GLS: variants seen among roughly 807,000 people sequenced by gnomAD.
GLS encodes glutaminase, also known as glutaminase kidney isoform, mitochondrial.
A neutral mutation model predicts 86.7 loss-of-function variants in GLS; 36 were observed. The observed-to-expected ratio is 0.42, with a 90% confidence interval of 0.32 to 0.55. GLS has a LOEUF of 0.55. Among genes scored for constraint, GLS ranks in the 20% least tolerant of loss-of-function variants. The pLI is 0.17. For synonymous variants in GLS, 317 were observed against 305.9 expected (o/e 1.04, Z -0.38); for missense variants, 528 against 833.4 (o/e 0.63, Z 4.51).
chr2:190,954,566 G>A lies in GLS; in HGVS notation c.1713-18G>A. 1.9e-6 allele frequency: 3 copies of A among 1,571,272 alleles called. No homozygotes were observed. The highest frequency in any genetic ancestry group is 2.6e-6 in the Non-Finnish European group (3 of 1,144,144). On this transcript the variant is annotated intron_variant, in intron 15 of 17. Coordinates refer to ENST00000320717, the MANE Select transcript of GLS (RefSeq NM_014905.5). This position sits in a 1 kb window ranked among gnomAD's most constrained non-coding sequence, Gnocchi z 4.0. ...TTTGCTTTATATATAATAAATAGCT[G>A]TGCTTACACATTTTCAGATTTGCTT...
Position 190,895,601 on chromosome 2 carries a change from CAG to C in GLS, c.484-2_484-1del. 6.3e-7 allele frequency: 1 copy of C among 1,582,816 alleles called. No homozygotes were observed. ...TTACAAACTCTTATTTTTTTAAAAA[CAG>C]GCACTCAAATCTACAGGATTGCGAA... On this transcript the variant is annotated splice_acceptor_variant, in intron 2 of 17. Transcript: ENST00000320717. LOFTEE classifies it high-confidence loss of function. This position sits in a 1 kb window ranked among gnomAD's most constrained non-coding sequence, Gnocchi z 4.2.
chr2:190,960,042 G>C (rs149942044), intron 17 of GLS, among the ~76,000 whole-genome samples: 2 of 151,952 alleles, frequency 1.3e-5, no homozygotes, highest in Admixed American at 6.6e-5. Flanking sequence ...CTCTCTCCTG[G>C]TCGACATAGC....
chr2:190,927,144 C>T (rs943695285), intron 11 of GLS, 162 bp from the exon 12 acceptor site: 6 of 593,250 alleles, frequency 1.0e-5, no homozygotes, highest in African/African-American at 3.9e-5. Flanking sequence ...GGTAGGACTT[C>T]GGTCAACTAA....
At chr2:190,941,449 A>G (rs1418594017) in intron 14 of GLS, among the ~76,000 whole-genome samples, 2 of 152,228 alleles carry the variant, frequency 1.3e-5, no homozygotes, top group Admixed American at 6.5e-5. Context: ...AGGGAATGGA[A>G]TGGATGCAGA....
At chr2:190,890,941 T>A (rs1559315759) in intron 1 of GLS, among the ~76,000 whole-genome samples, 2 of 152,002 alleles carry the variant, frequency 1.3e-5, no homozygotes, top group Non-Finnish European at 2.9e-5. Context: ...TTTGGGGAGG[T>A]TAGGTAATAT....
At chr2:190,941,832 C>G (rs1468316722) in intron 14 of GLS, among the ~76,000 whole-genome samples, 1 of 151,936 alleles carries the variant, frequency 6.6e-6, no homozygotes, top group Non-Finnish European at 1.5e-5. Flanking sequence ...AGTGGGCCTT[C>G]TCATATTTCG....
intron 1 of GLS, among the ~76,000 whole-genome samples, chr2:190,889,726 A>C (rs1268728518): frequency 1.3e-5 from 2 of 152,028 alleles, no homozygotes; most frequent in African/African-American, 2.4e-5. Context: ...CAAACTTCTG[A>C]AGTTGTGCAA....
intron 1 of GLS, among the ~76,000 whole-genome samples, chr2:190,884,711 C>T (rs768917706): frequency 5.9e-5 from 9 of 152,074 alleles, no homozygotes; most frequent in Non-Finnish European, 1.3e-4. Flanking sequence ...AGATACATAA[C>T]AGAAATTGGG....
At chr2:190,910,887 A>G (rs1260540572) in intron 7 of GLS, among the ~76,000 whole-genome samples, 2 of 149,582 alleles carry the variant, frequency 1.3e-5, no homozygotes, top group African/African-American at 2.4e-5. Flanking sequence ...GCTTATTCCA[A>G]TTATGGAGTT....
Position 190,881,104 on chromosome 2 carries a change from C to G in GLS, c.20C>G (p.Ser7Trp). The change falls in exon 1 of 18, where the codon TCG becomes TGG. Residue 7 changes from serine to tryptophan, a missense_variant. Coordinates refer to ENST00000320717, the MANE Select transcript of GLS (RefSeq NM_014905.5). ...GGCGGCATGATGCGGCTGCGAGGCT[C>G]GGGGATGCTGCGGGACCTGCTCCTG... Reference protein sequence around the residue: MMRLRGSGMLRDLLLRS... With the variant: MMRLRGWGMLRDLLLRS... The G allele has an allele frequency of 6.4e-7, 1 of 1,562,002 alleles. No homozygotes were observed. Among genetic ancestry groups the G allele is most frequent in the Non-Finnish European group, 8.6e-7 (1 of 1,161,788 alleles).
chr2:190,959,164 C>T (rs1214620892), intron 17 of GLS, among the ~76,000 whole-genome samples: 1 of 151,606 alleles, frequency 6.6e-6, no homozygotes, highest in Non-Finnish European at 1.5e-5. Context: ...ATCCCTTTAC[C>T]ATTATGTAAT....
chr2:190,938,880 A>G lies in GLS; in HGVS notation c.1650+7243A>G, dbSNP rs1354972146. Among the ~76,000 whole-genome samples the G allele has an allele frequency of 6.6e-6, 1 of 151,798 alleles. No homozygotes were observed. The highest frequency in any genetic ancestry group is 1.5e-5 in the Non-Finnish European group (1 of 67,678). On this transcript the variant is annotated intron_variant, in intron 14 of 17. Coordinates refer to ENST00000320717, the MANE Select transcript of GLS (RefSeq NM_014905.5). This position sits in a 1 kb window ranked among gnomAD's most constrained non-coding sequence, Gnocchi z 4.1. Reference sequence around the variant, plus strand: ...AGTTAGAAGTAAATGTTAAAGTTACACAGTAGTTCTAAAAATAAAACATTA... The same window carrying G: ...AGTTAGAAGTAAATGTTAAAGTTACGCAGTAGTTCTAAAAATAAAACATTA...
At chr2:190,936,142 T>G (rs1347986984) in intron 14 of GLS, among the ~76,000 whole-genome samples, 1 of 151,160 alleles carries the variant, frequency 6.6e-6, no homozygotes, top group East Asian at 1.9e-4. Context: ...TGTAACAGTT[T>G]ATGATTACTT....
Position 190,916,075 on chromosome 2 carries a change from G to A in GLS, c.1039-4949G>A, listed in dbSNP as rs141496277. On this transcript the variant is annotated intron_variant, in intron 7 of 17. Coordinates refer to ENST00000320717, the MANE Select transcript of GLS (RefSeq NM_014905.5). ...CACACCTCTGTAAAAATTAAAAATCGGAAGAGAATTAGTCCTGAGTTCATT... is the reference window on the plus strand; with the variant it reads ...CACACCTCTGTAAAAATTAAAAATCAGAAGAGAATTAGTCCTGAGTTCATT... Among the ~76,000 whole-genome samples the A allele has an allele frequency of 3.8e-3, 585 of 152,100 alleles. 7 individuals are homozygous for A. Among genetic ancestry groups the A allele is most frequent in the African/African-American group, 0.013 (544 of 41,498 alleles).
chr2:190,912,621 C>T (rs548016410), intron 7 of GLS, among the ~76,000 whole-genome samples: 6 of 152,064 alleles, frequency 3.9e-5, no homozygotes, highest in African/African-American at 7.2e-5. Flanking sequence ...CTTTATATAA[C>T]GGAGGAAACT....
chr2:190,949,661 C>T lies in GLS; in HGVS notation c.1651-3904C>T, dbSNP rs1276845641. Among the ~76,000 whole-genome samples the T allele has an allele frequency of 6.6e-6, 1 of 152,138 alleles. No homozygotes were observed. Among genetic ancestry groups the T allele is most frequent in the African/African-American group, 2.4e-5 (1 of 41,424 alleles). The stretch of plus-strand genomic sequence containing the variant: ...GAGCCGAGATCTTGCCACTGCACTC[C>T]AGCCTGGGTGACAGAGCGAGACCTT... On this transcript the variant is annotated intron_variant, in intron 14 of 17. Coordinates refer to ENST00000320717, the MANE Select transcript of GLS (RefSeq NM_014905.5). This position sits in a 1 kb window ranked among gnomAD's most constrained non-coding sequence, Gnocchi z 4.0.
chr2:190,958,891 T>C (rs1690927123), intron 17 of GLS, among the ~76,000 whole-genome samples: 1 of 152,208 alleles, frequency 6.6e-6, no homozygotes, highest in East Asian at 1.9e-4. Context: ...AAAATGTATA[T>C]TCTATTGACT....
rs116739050 is a variant in GLS, at chr2:190,933,585, A to G, written c.1650+1948A>G. 4.2e-4 allele frequency: 405 copies of G among 953,002 alleles called. 2 individuals are homozygous for G. In the African/African-American group the frequency reaches 6.1e-3, roughly 14 times the overall value. 59.0% of individuals were successfully genotyped at this position (953,002 alleles called of 1,614,324 possible). On this transcript the variant is annotated intron_variant, in intron 14 of 17. Coordinates refer to ENST00000320717, the MANE Select transcript of GLS (RefSeq NM_014905.5). ...AGCCAAAGAATTTCAGATGTGAGATAATGATGTTTCATCAATAAAAAGCTA... is the reference window on the plus strand; with the variant it reads ...AGCCAAAGAATTTCAGATGTGAGATGATGATGTTTCATCAATAAAAAGCTA...
At position 190,890,902 on chromosome 2, in the gene GLS, G is replaced by A. The variant is rs188727077; in HGVS notation, c.387-4250G>A. ...GTTATGCGAAAAAAAAAATAAGAAA[G>A]ACTTGACCCCAGCCTTGAAGCTTTA... On this transcript the variant is annotated intron_variant, in intron 1 of 17. Transcript: ENST00000320717. Among the ~76,000 whole-genome samples the A allele has an allele frequency of 6.5e-3, 985 of 152,068 alleles. 10 individuals are homozygous for A. Among genetic ancestry groups the A allele is most frequent in the African/African-American group, 0.022 (932 of 41,486 alleles).
Sources: allele counts gnomAD v4.1 joint callset (sites outside exome capture counted in the v4.1 genomes callset), GRCh38; gene constraint gnomAD v4.1.1; non-coding constraint Gnocchi (gnomAD v3.1); transcripts MANE v1.5; gene names NCBI Gene and HGNC (gene_info 2026-07-23, HGNC 2026-07-21).